The following CHODL variants were observed in gnomAD, a reference collection of about 807,000 sequenced individuals.
CHODL encodes chondrolectin.
Under a neutral mutation model 34.5 loss-of-function variants are expected in CHODL, and 29 were observed. The ratio of observed to expected loss-of-function variants is 0.84; its 90% CI spans 0.63 to 1.15. The LOEUF (loss-of-function observed/expected upper bound fraction) is 1.15, where lower values mean the gene tolerates loss of function less well. Among genes scored for constraint, CHODL ranks in the 50% most tolerant of loss-of-function variants. The probability of loss-of-function intolerance (pLI) is 0.00; values close to 1 mark genes in which losing one functional copy is unlikely to be tolerated. For synonymous variants in CHODL, 125 were observed against 116.1 expected (o/e 1.08, Z -0.49); for missense variants, 332 against 332.5 (o/e 1.00, Z 0.01).
chr21:17,986,921 G>A (rs2063758019), intron 1 of CHODL, among the ~76,000 whole-genome samples: 1 of 152,138 alleles, frequency 6.6e-6, no homozygotes, highest in Non-Finnish European at 1.5e-5. Context: ...CCGAAAATAG[G>A]TGCCTGGAAG....
intron 1 of CHODL, among the ~76,000 whole-genome samples, chr21:17,932,033 A>G: frequency 1.3e-5 from 2 of 152,200 alleles, no homozygotes; most frequent in East Asian, 3.8e-4. Context: ...AGAGTGGGAG[A>G]AAATATTTGC....
At chr21:18,010,380 CA>C (rs1307105334) in intron 1 of CHODL, among the ~76,000 whole-genome samples, 5 of 148,222 alleles carry the variant, frequency 3.4e-5, no homozygotes, top group Non-Finnish European at 7.4e-5. Context: ...CCTGGTGGGT[CA>C]AATGTTAGCA....
intron 2 of CHODL, among the ~76,000 whole-genome samples, chr21:18,067,787 G>C (rs575913335): frequency 6.6e-6 from 1 of 152,182 alleles, no homozygotes; most frequent in East Asian, 1.9e-4. Flanking sequence ...ACTTACCATT[G>C]CTATTCCAAA....
chr21:18,093,937 C>G (rs562055014), intron 2 of CHODL, among the ~76,000 whole-genome samples: 9 of 152,000 alleles, frequency 5.9e-5, no homozygotes, highest in Non-Finnish European at 1.5e-5. Context: ...AAGACATACA[C>G]TTGCTGAATG....
chr21:18,170,516 G>A (rs982012608), intron 2 of CHODL, among the ~76,000 whole-genome samples: 1 of 151,934 alleles, frequency 6.6e-6, no homozygotes, highest in African/African-American at 2.4e-5. Flanking sequence ...GGGTTAAACA[G>A]GTATTTTCTG....
At chr21:17,936,635 T>C (rs929089568) in intron 1 of CHODL, among the ~76,000 whole-genome samples, 8 of 152,134 alleles carry the variant, frequency 5.3e-5, no homozygotes, top group African/African-American at 1.9e-4. Flanking sequence ...TAAAAACATA[T>C]AGGAATCCAG....
At chr21:17,949,918 G>T (rs2063442324) in intron 1 of CHODL, among the ~76,000 whole-genome samples, 1 of 152,082 alleles carries the variant, frequency 6.6e-6, no homozygotes, top group Admixed American at 6.6e-5. Flanking sequence ...GTGGATTGAG[G>T]AACATCTGCA....
chr21:18,046,918 T>C (rs1334675837), intron 2 of CHODL, among the ~76,000 whole-genome samples: 1 of 151,534 alleles, frequency 6.6e-6, no homozygotes, highest in African/African-American at 2.4e-5. Flanking sequence ...GCCAAGCTAA[T>C]TTTCACGTCT....
intron 2 of CHODL, among the ~76,000 whole-genome samples, chr21:18,172,408 C>A (rs568022564): frequency 1.1e-4 from 16 of 152,278 alleles, no homozygotes; most frequent in African/African-American, 3.8e-4. Context: ...CAGTTCTAAA[C>A]CTCTTTTGCC....
chr21:18,215,639 C>T (rs940882976), intron 2 of CHODL, among the ~76,000 whole-genome samples: 1 of 152,242 alleles, frequency 6.6e-6, no homozygotes, highest in Admixed American at 6.5e-5. Flanking sequence ...GCATATTTAG[C>T]TTGTCCTTAA....
At chr21:18,180,305 A>C (rs573779761) in intron 2 of CHODL, among the ~76,000 whole-genome samples, 1 of 152,048 alleles carries the variant, frequency 6.6e-6, no homozygotes, top group Non-Finnish European at 1.5e-5. Context: ...GGCACGCACC[A>C]CCACATCCAA....
intron 2 of CHODL, among the ~76,000 whole-genome samples, chr21:18,141,529 A>G (rs910953573): frequency 6.6e-6 from 1 of 152,000 alleles, no homozygotes; most frequent in Non-Finnish European, 1.5e-5. Context: ...GGATTTGCTT[A>G]GGTTTTTAAA....
At chr21:18,189,238 A>G (rs2073481767) in intron 2 of CHODL, among the ~76,000 whole-genome samples, 1 of 152,140 alleles carries the variant, frequency 6.6e-6, no homozygotes, top group Admixed American at 6.6e-5. Context: ...AAATCCAGAA[A>G]TTTTACATTT....
chr21:18,003,165 G>A (rs964017393), intron 1 of CHODL, among the ~76,000 whole-genome samples: 2 of 149,994 alleles, frequency 1.3e-5, no homozygotes, highest in African/African-American at 2.4e-5. Flanking sequence ...CCCTGGAGGC[G>A]TTCAACTTCA....
At chr21:18,045,782 A>G (rs1490215548) in intron 2 of CHODL, among the ~76,000 whole-genome samples, 1 of 151,840 alleles carries the variant, frequency 6.6e-6, no homozygotes, top group Non-Finnish European at 1.5e-5. Flanking sequence ...AATTGACTAG[A>G]AGGAACTAGC....
intron 2 of CHODL, among the ~76,000 whole-genome samples, chr21:18,188,258 G>C (rs2073467236): frequency 6.6e-6 from 1 of 151,734 alleles, no homozygotes; most frequent in Admixed American, 6.6e-5. Flanking sequence ...CTTAATTCTT[G>C]AACATTTTTT....
At chr21:18,153,304 G>A (rs1482069481) in intron 2 of CHODL, among the ~76,000 whole-genome samples, 1 of 152,174 alleles carries the variant, frequency 6.6e-6, no homozygotes, top group Non-Finnish European at 1.5e-5. Flanking sequence ...TCCGTTCCAT[G>A]TGACTGTAGG....
chr21:17,982,963 G>A (rs933994541), intron 1 of CHODL, among the ~76,000 whole-genome samples: 3 of 151,980 alleles, frequency 2.0e-5, no homozygotes, highest in Admixed American at 1.3e-4. Flanking sequence ...GACCTTAAGT[G>A]ATCTGCCCAC....
At position 18,068,780 on chromosome 21, in the gene CHODL, C is replaced by CTT. The variant is rs60581304; in HGVS notation, c.-45+40822_-45+40823dup. 4.2e-5 allele frequency among the ~76,000 whole-genome samples: 6 copies of CTT among 141,216 alleles called. No homozygotes were observed. In the Middle Eastern group the frequency reaches 0.011, roughly 258 times the overall value. The allele number at this position is 141,216 out of a possible 152,430, so 92.6% of individuals were successfully genotyped here. ...TCTACTCAATATTATAAGGAAATTT[C>CTT]TTTTTTTTTTTTTTAACCCTAAACC... On this transcript the variant is annotated intron_variant, in intron 2 of 6. Transcript: ENST00000400127.
Sources: gnomAD v4.1 joint callset for allele counts (sites outside exome capture counted in the v4.1 genomes callset) on GRCh38, gnomAD v4.1.1 for gene constraint, MANE v1.5 for transcripts, NCBI Gene and HGNC (gene_info 2026-07-23, HGNC 2026-07-21) for gene names.